Variants in ST6GALNAC3 observed in about 807,000 individuals in gnomAD.
ST6GALNAC3 encodes the protein alpha-N-acetylgalactosaminide alpha-2,6-sialyltransferase 3.
A neutral mutation model predicts 32.7 loss-of-function variants in ST6GALNAC3; 25 were observed. The ratio of observed to expected loss-of-function variants is 0.76; its 90% CI spans 0.56 to 1.07. The LOEUF is 1.07. ST6GALNAC3 is among the 50% of genes least tolerant of loss of function. The probability of loss-of-function intolerance (pLI) is 0.00; values close to 1 mark genes in which losing one functional copy is unlikely to be tolerated. For missense variants in ST6GALNAC3, 355 were observed against 382.4 expected, an observed-to-expected ratio of 0.93 and a Z score of 0.60; for synonymous variants, 129 against 133.1, an observed-to-expected ratio of 0.97 and a Z score of 0.21.
intron 3 of ST6GALNAC3, among the ~76,000 whole-genome samples, chr1:76,581,783 G>A (rs1646895312): frequency 6.6e-6 from 1 of 152,178 alleles, no homozygotes; most frequent in South Asian, 2.1e-4. Context: ...AACTCTTTGG[G>A]TAAGGATCAA....
intron 2 of ST6GALNAC3, among the ~76,000 whole-genome samples, chr1:76,341,604 CT>C (rs1336813033): frequency 7.4e-5 from 9 of 121,394 alleles, no homozygotes; most frequent in African/African-American, 2.5e-4. Flanking sequence ...CTCCAAACTG[CT>C]TTTCTTTCTT....
chr1:76,243,250 T>C (rs1657069643), intron 1 of ST6GALNAC3, among the ~76,000 whole-genome samples: 1 of 152,222 alleles, frequency 6.6e-6, no homozygotes, highest in African/African-American at 2.4e-5. Flanking sequence ...ATACATGTCT[T>C]CTTTTGAGAA....
intron 1 of ST6GALNAC3, among the ~76,000 whole-genome samples, chr1:76,088,945 T>C (rs370211728): frequency 1.1e-3 from 163 of 152,298 alleles, no homozygotes; most frequent in African/African-American, 3.8e-3. Flanking sequence ...CTGGAAGAGA[T>C]AATACAGTTG....
At position 76,269,918 on chromosome 1, in the gene ST6GALNAC3, C is replaced by T. The variant is rs1658739686; in HGVS notation, c.19-43887C>T. 2.0e-5 allele frequency among the ~76,000 whole-genome samples: 3 copies of T among 152,108 alleles called. No individual in the cohort carries two copies. The South Asian group carries it at 6.2e-4, about 32-fold the overall frequency. Reference sequence around the variant, plus strand: ...TGCCGTAATGCATGTGTGCCTGGAACCCAGGGAGGCAGAGGTCCTCTTTTT... The same window carrying T: ...TGCCGTAATGCATGTGTGCCTGGAATCCAGGGAGGCAGAGGTCCTCTTTTT... On this transcript the variant is annotated intron_variant, in intron 1 of 4. Coordinates refer to ENST00000328299, the MANE Select transcript of ST6GALNAC3 (RefSeq NM_152996.4).
At chr1:76,437,437 A>G (rs1225419386) in intron 3 of ST6GALNAC3, among the ~76,000 whole-genome samples, 1 of 152,124 alleles carries the variant, frequency 6.6e-6, no homozygotes, top group Admixed American at 6.5e-5. Context: ...CTTATAATCA[A>G]ATGTGCTTTT....
chr1:76,415,522 T>G (rs1654559205), intron 3 of ST6GALNAC3, among the ~76,000 whole-genome samples: 1 of 152,044 alleles, frequency 6.6e-6, no homozygotes, highest in Admixed American at 6.6e-5. Context: ...TTAAACATAC[T>G]TGAAGTATTT....
chr1:76,348,885 A>G (rs1453162056), intron 2 of ST6GALNAC3, among the ~76,000 whole-genome samples: 1 of 152,214 alleles, frequency 6.6e-6, no homozygotes, highest in Non-Finnish European at 1.5e-5. Flanking sequence ...GTGAGAGAAC[A>G]TACTTCATGC....
chr1:76,118,592 G>A (rs1363341689), intron 1 of ST6GALNAC3, among the ~76,000 whole-genome samples: 1 of 152,190 alleles, frequency 6.6e-6, no homozygotes, highest in Non-Finnish European at 1.5e-5. Context: ...CCTATTTCAA[G>A]TGCAGATGAC....
intron 1 of ST6GALNAC3, among the ~76,000 whole-genome samples, chr1:76,249,124 A>G (rs962308390): frequency 3.9e-5 from 6 of 152,194 alleles, no homozygotes; most frequent in African/African-American, 1.4e-4. Context: ...TTACTATAAC[A>G]TTCACCAGTT....
At chr1:76,315,715 G>A (rs1192477886) in intron 2 of ST6GALNAC3, among the ~76,000 whole-genome samples, 1 of 152,044 alleles carries the variant, frequency 6.6e-6, no homozygotes, top group Non-Finnish European at 1.5e-5. Context: ...ATTTGCTTTT[G>A]GGTAACTTCC....
intron 1 of ST6GALNAC3, among the ~76,000 whole-genome samples, chr1:76,286,490 T>C (rs1659787483): frequency 6.6e-6 from 1 of 152,202 alleles, no homozygotes; most frequent in African/African-American, 2.4e-5. Context: ...GCCAGTCTCC[T>C]ATAAATGCTA....
intron 1 of ST6GALNAC3, among the ~76,000 whole-genome samples, chr1:76,310,606 A>T (rs978194148): frequency 3.9e-5 from 6 of 152,114 alleles, no homozygotes; most frequent in Non-Finnish European, 8.8e-5. Context: ...CCCTGGGAGG[A>T]TACAGGAACT....
intron 3 of ST6GALNAC3, among the ~76,000 whole-genome samples, chr1:76,567,827 A>G (rs925422312): frequency 3.9e-5 from 6 of 152,226 alleles, no homozygotes; most frequent in African/African-American, 1.4e-4. Flanking sequence ...GTGATAAGGG[A>G]GGACCTGTCT....
chr1:76,319,299 C>A (rs983597914), intron 2 of ST6GALNAC3, among the ~76,000 whole-genome samples: 2 of 152,102 alleles, frequency 1.3e-5, no homozygotes, highest in African/African-American at 4.8e-5. Context: ...TGCATACTGA[C>A]TTACTCGACA....
chr1:76,128,800 G>C (rs1282731281), intron 1 of ST6GALNAC3, among the ~76,000 whole-genome samples: 1 of 152,212 alleles, frequency 6.6e-6, no homozygotes, highest in Non-Finnish European at 1.5e-5. Context: ...TCAGCCCTGA[G>C]CCCCAGGTGC....
chr1:76,387,119 C>T (rs1285967279), intron 2 of ST6GALNAC3, among the ~76,000 whole-genome samples: 1 of 152,146 alleles, frequency 6.6e-6, no homozygotes, highest in African/African-American at 2.4e-5. Flanking sequence ...CCAGGAGAGA[C>T]TCAGCAATAA....
chr1:76,080,645 A>C (rs987407791), intron 1 of ST6GALNAC3, among the ~76,000 whole-genome samples: 3 of 151,812 alleles, frequency 2.0e-5, no homozygotes, highest in Admixed American at 6.6e-5. Context: ...AAAAAAAAAA[A>C]AACAATCAAA....
At chr1:76,527,674 G>A (rs1662998426) in intron 3 of ST6GALNAC3, among the ~76,000 whole-genome samples, 1 of 152,032 alleles carries the variant, frequency 6.6e-6, no homozygotes, top group African/African-American at 2.4e-5. Context: ...GGAGGGAAAG[G>A]AACTGAGAAA....
chr1:76,350,061 TTGAC>T lies in ST6GALNAC3; in HGVS notation c.213+36065_213+36068del, dbSNP rs370759474. Among the ~76,000 whole-genome samples the T allele has an allele frequency of 7.2e-5, 11 of 152,310 alleles. No individual in the cohort carries two copies. In the East Asian group the frequency reaches 1.5e-3, roughly 21 times the overall value. ...AATGTCGCTTAGAAAAATTTGAAAATTGACTGTGTATTAGAAATTATTCACTCAA... is the reference window on the plus strand; with the variant it reads ...AATGTCGCTTAGAAAAATTTGAAAATTGTGTATTAGAAATTATTCACTCAA... On this transcript the variant is annotated intron_variant, in intron 2 of 4. Coordinates refer to ENST00000328299, the MANE Select transcript of ST6GALNAC3 (RefSeq NM_152996.4).
Sources: gnomAD v4.1 joint callset for allele counts (sites outside exome capture counted in the v4.1 genomes callset) on GRCh38, gnomAD v4.1.1 for gene constraint, MANE v1.5 for transcripts, NCBI Gene and HGNC (gene_info 2026-07-23, HGNC 2026-07-21) for gene names.